The following KCNIP1 variants were observed in gnomAD, a reference collection of about 807,000 sequenced individuals.
The protein encoded by KCNIP1 is A-type potassium channel modulatory protein KCNIP1.
A neutral mutation model predicts 33.0 loss-of-function variants in KCNIP1; 18 were observed. The ratio of observed to expected loss-of-function variants is 0.55; its 90% CI spans 0.38 to 0.81. The LOEUF is 0.81. Ranked by LOEUF, KCNIP1 falls within the 30% of genes least tolerant of loss-of-function variation. The probability of loss-of-function intolerance (pLI) is 0.00; values close to 1 mark genes in which losing one functional copy is unlikely to be tolerated. For missense variants in KCNIP1, 238 were observed against 271.6 expected (o/e 0.88, Z 0.87); for synonymous variants, 93 against 98.3 (o/e 0.95, Z 0.32).
At chr5:170,711,008 G>A (rs1363709) in intron 1 of KCNIP1, among the ~76,000 whole-genome samples, 34,232 of 152,142 alleles carry the variant, frequency 0.23, 5,239 homozygotes, top group East Asian at 0.81. Context: ...TGTTATATAT[G>A]GTACATGCTG....
chr5:170,367,317 A>T (rs1763688702), intron 1 of KCNIP1, among the ~76,000 whole-genome samples: 1 of 147,070 alleles, frequency 6.8e-6, no homozygotes. Flanking sequence ...TCCGTCTCAA[A>T]AAAAAAGAAG....
chr5:170,466,911 A>C (rs1756620384), intron 1 of KCNIP1, among the ~76,000 whole-genome samples: 1 of 152,234 alleles, frequency 6.6e-6, no homozygotes, highest in East Asian at 1.9e-4. Context: ...ATAGCCAAGA[A>C]GGATGAATGA....
At chr5:170,364,601 C>T (rs1223046969) in intron 1 of KCNIP1, among the ~76,000 whole-genome samples, 4 of 152,154 alleles carry the variant, frequency 2.6e-5, no homozygotes, top group Admixed American at 2.6e-4. Context: ...GGACTCTTTC[C>T]ACCAAATACC....
chr5:170,715,340 T>C (rs972321996), intron 1 of KCNIP1, among the ~76,000 whole-genome samples: 3 of 150,622 alleles, frequency 2.0e-5, no homozygotes, highest in Admixed American at 6.6e-5. Context: ...CGTATCCCTG[T>C]TGTTAAGCGA....
chr5:170,610,749 T>C (rs549219667), intron 1 of KCNIP1, among the ~76,000 whole-genome samples: 10 of 152,334 alleles, frequency 6.6e-5, no homozygotes, highest in Non-Finnish European at 1.5e-4. Flanking sequence ...GTGCTTAGTA[T>C]GCTAATGAGT....
chr5:170,491,140 C>A (rs1757195681), intron 1 of KCNIP1, among the ~76,000 whole-genome samples: 1 of 152,116 alleles, frequency 6.6e-6, no homozygotes, highest in Admixed American at 6.5e-5. Context: ...CAGTCCGGAC[C>A]TCCCCTCCCT....
chr5:170,638,538 G>A (rs369083068), intron 1 of KCNIP1, among the ~76,000 whole-genome samples: 16 of 152,202 alleles, frequency 1.1e-4, no homozygotes, highest in African/African-American at 1.4e-4. Flanking sequence ...ACCATTCTGA[G>A]TGGCAGTCTC....
intron 1 of KCNIP1, among the ~76,000 whole-genome samples, chr5:170,673,256 C>T (rs1011667870): frequency 6.6e-6 from 1 of 152,250 alleles, no homozygotes; most frequent in African/African-American, 2.4e-5. Flanking sequence ...TAAAGTGAGA[C>T]AAACTTTGGA....
intron 1 of KCNIP1, among the ~76,000 whole-genome samples, chr5:170,636,230 C>T (rs181648201): frequency 1.6e-3 from 242 of 152,246 alleles, no homozygotes; most frequent in African/African-American, 5.4e-3. Flanking sequence ...GCGTCATTGG[C>T]GTAGAGACAG....
intron 1 of KCNIP1, among the ~76,000 whole-genome samples, chr5:170,660,828 G>A (rs920882775): frequency 2.0e-5 from 3 of 152,262 alleles, no homozygotes; most frequent in African/African-American, 7.2e-5. Context: ...CTTCACTGCT[G>A]TGTGTCCTGG....
At chr5:170,419,873 G>A (rs547731321) in intron 1 of KCNIP1, among the ~76,000 whole-genome samples, 60 of 152,162 alleles carry the variant, frequency 3.9e-4, no homozygotes, top group Non-Finnish European at 7.2e-4. Flanking sequence ...AAGTGATTAA[G>A]TCACAAGTCC....
chr5:170,665,356 CAA>C (rs33931206), intron 1 of KCNIP1, among the ~76,000 whole-genome samples: 11,211 of 151,910 alleles, frequency 0.074, 658 homozygotes, highest in African/African-American at 0.16. Context: ...GAAAAAAAGT[CAA>C]AGAGTCACTG....
intron 1 of KCNIP1, among the ~76,000 whole-genome samples, chr5:170,524,002 C>T (rs944510197): frequency 6.6e-6 from 1 of 152,048 alleles, no homozygotes; most frequent in African/African-American, 2.4e-5. Flanking sequence ...CCCAGCACCA[C>T]CCCCCAGTCC....
chr5:170,417,102 GTTAT>G (rs1226472644), intron 1 of KCNIP1, among the ~76,000 whole-genome samples: 5 of 152,118 alleles, frequency 3.3e-5, no homozygotes, highest in Non-Finnish European at 7.4e-5. Context: ...ACTAAGAGGG[GTTAT>G]TTAAATAAAC....
chr5:170,421,166 A>G (rs971315651), intron 1 of KCNIP1, among the ~76,000 whole-genome samples: 3 of 152,216 alleles, frequency 2.0e-5, no homozygotes, highest in Non-Finnish European at 4.4e-5. Flanking sequence ...ATGTACAGCC[A>G]TGGAGCAAAC....
intron 1 of KCNIP1, among the ~76,000 whole-genome samples, chr5:170,604,816 C>G (rs541167258): frequency 5.3e-5 from 8 of 152,162 alleles, no homozygotes; most frequent in East Asian, 1.9e-4. Flanking sequence ...CAGGTTCAGC[C>G]CCCCCAGGAG....
chr5:170,441,094 G>C (rs932866032), intron 1 of KCNIP1, among the ~76,000 whole-genome samples: 5 of 152,212 alleles, frequency 3.3e-5, no homozygotes, highest in African/African-American at 1.2e-4. Context: ...AGGTGTGTAA[G>C]AAACATGGCT....
chr5:170,424,020 T>C (rs1427925869), intron 1 of KCNIP1, among the ~76,000 whole-genome samples: 3 of 152,274 alleles, frequency 2.0e-5, no homozygotes, highest in Non-Finnish European at 4.4e-5. Flanking sequence ...GTTTGCATGA[T>C]GATTTTAAAA....
chr5:170,660,227 A>T (rs558433906), intron 1 of KCNIP1, among the ~76,000 whole-genome samples: 3 of 152,312 alleles, frequency 2.0e-5, no homozygotes, highest in Admixed American at 2.0e-4. Context: ...GTTGGCTGTA[A>T]AACCATGTTT....
Sources: gnomAD v4.1 joint callset for allele counts (sites outside exome capture counted in the v4.1 genomes callset) on GRCh38, gnomAD v4.1.1 for gene constraint, MANE v1.5 for transcripts, NCBI Gene and HGNC (gene_info 2026-07-23, HGNC 2026-07-21) for gene names.